The following ZC3H13 variants were observed in gnomAD, a reference collection of about 807,000 sequenced individuals.
ZC3H13 encodes zinc finger CCCH domain-containing protein 13.
ZC3H13 carries 64 observed loss-of-function variants against 204.1 expected under a neutral mutation model. The observed-to-expected ratio is 0.31, with a 90% CI of 0.26 to 0.39. The LOEUF (loss-of-function observed/expected upper bound fraction) is 0.39, where lower values mean the gene tolerates loss of function less well. Ranked by LOEUF, ZC3H13 falls within the 10% of genes least tolerant of loss-of-function variation. The pLI is 1.00. For missense variants in ZC3H13, 1,833 were observed against 2,082.7 expected, an observed-to-expected ratio of 0.88 and a Z score of 2.33; for synonymous variants, 667 against 693.7, an observed-to-expected ratio of 0.96 and a Z score of 0.60.
intron 8 of ZC3H13, among the ~76,000 whole-genome samples, chr13:45,999,226 T>C (rs1356589639): frequency 6.6e-6 from 1 of 151,944 alleles, no homozygotes; most frequent in Non-Finnish European, 1.5e-5. Context: ...GCCTGGGTAA[T>C]AGCGAGACAC....
chr13:45,963,677 A>C (rs925520702), intron 17 of ZC3H13, 165 bp downstream of exon 17: 3 of 1,453,188 alleles, frequency 2.1e-6, no homozygotes, highest in Admixed American at 2.7e-5. Flanking sequence ...ATAAATTTTA[A>C]AGAGAAACTT....
rs1453186257 is a variant in ZC3H13 at position 45,956,702 on chromosome 13, A to T, written c.*425T>A. On this transcript the variant is annotated 3_prime_UTR_variant, in exon 19 of 19. Transcript: ENST00000679008. ...CCCTTTCACGTGGTCTGTACAACAT[A>T]GTACTGCACAATGTGAGCAATTACT... 6.5e-6 allele frequency: 1 copy of T among 152,862 alleles called. No homozygotes were observed. The highest frequency in any genetic ancestry group is 1.5e-5 in the Non-Finnish European group (1 of 68,434). 9.5% of individuals were successfully genotyped at this position (152,862 alleles called of 1,614,324 possible).
At chr13:45,997,622 C>A (rs1010419717) in intron 8 of ZC3H13, among the ~76,000 whole-genome samples, 2 of 152,054 alleles carry the variant, frequency 1.3e-5, no homozygotes, top group Admixed American at 6.5e-5. Context: ...TTAACTGTTA[C>A]AATTTATTTT....
At chr13:45,962,013 A>G (rs182695651) in intron 17 of ZC3H13, among the ~76,000 whole-genome samples, 15 of 152,352 alleles carry the variant, frequency 9.8e-5, no homozygotes, top group African/African-American at 3.4e-4. Context: ...TTATATATGA[A>G]ATATGATTAT....
At chr13:45,970,506 G>A in intron 12 of ZC3H13, 41 bp from the exon 13 acceptor site, 3 of 1,563,316 alleles carry the variant, frequency 1.9e-6, no homozygotes, top group South Asian at 1.2e-5. Context: ...AATTCTAGGG[G>A]GCAAAAAAAG....
rs1287621354 is a variant in ZC3H13, at chr13:46,047,204, T to A, written c.-9-1688A>T. Among the ~76,000 whole-genome samples, 4 of 152,144 alleles carry A rather than the reference T, an allele frequency of 2.6e-5. No homozygotes were observed. In the South Asian group the frequency reaches 8.3e-4, roughly 31 times the overall value. ...TCCAAAGACTAAGAACAACATTTGA[T>A]AAATAAAAGATGGTGCATCAAGGAA... On this transcript the variant is annotated intron_variant, in intron 1 of 18. Transcript: ENST00000679008.
chr13:46,009,319 T>C (rs140340606), intron 7 of ZC3H13, among the ~76,000 whole-genome samples: 266 of 152,302 alleles, frequency 1.7e-3, no homozygotes, highest in African/African-American at 5.9e-3. Flanking sequence ...TTCAATGGTA[T>C]AATAAATTAA....
chr13:46,020,812 A>G (rs958281754), intron 4 of ZC3H13, among the ~76,000 whole-genome samples: 2 of 152,108 alleles, frequency 1.3e-5, no homozygotes, highest in African/African-American at 4.8e-5. Flanking sequence ...AGACTATACT[A>G]CATCTATTTT....
chr13:46,032,157 G>A (rs1209392993), intron 4 of ZC3H13, among the ~76,000 whole-genome samples: 1 of 152,130 alleles, frequency 6.6e-6, no homozygotes, highest in East Asian at 1.9e-4. Flanking sequence ...ACTGATAGTG[G>A]TGCAAGTCCT....
rs71184435 is a variant in ZC3H13 at position 46,006,713 on chromosome 13, C to CAT, written c.747-3379_747-3378dup. 4.9e-3 allele frequency among the ~76,000 whole-genome samples: 311 copies of CAT among 63,810 alleles called. 78 individuals carry two copies. The highest frequency in any genetic ancestry group is 0.022 in the African/African-American group (291 of 13,198). 41.9% of individuals were successfully genotyped at this position (63,810 alleles called of 152,430 possible). A position where few individuals can be genotyped will look rare whatever the true frequency, so the allele number is the denominator to read the frequency against. On this transcript the variant is annotated intron_variant, in intron 7 of 18. Coordinates refer to ENST00000679008, the MANE Select transcript of ZC3H13 (RefSeq NM_001330564.2). ...TTCTCAAGTCCCAAGAGTTCTTAGC[C>CAT]ATATATATATATGAGATAGTATCTA...
chr13:46,041,459 G>A (rs958764072), intron 4 of ZC3H13, among the ~76,000 whole-genome samples: 2 of 152,034 alleles, frequency 1.3e-5, no homozygotes, highest in South Asian at 2.1e-4. Context: ...GTTTCTTTAC[G>A]TAGCAATGAA....
intron 1 of ZC3H13, among the ~76,000 whole-genome samples, chr13:46,050,299 G>A (rs1422585037): frequency 2.0e-5 from 3 of 151,868 alleles, no homozygotes; most frequent in Admixed American, 2.0e-4. Context: ...GCATACAAAA[G>A]GGTCTCTTTT....
At position 45,989,107 on chromosome 13, in the gene ZC3H13, A is replaced by G. The variant is rs1163145840; in HGVS notation, c.945-10T>C. On this transcript the variant is annotated splice_polypyrimidine_tract_variant and intron_variant, in intron 8 of 18. Coordinates refer to ENST00000679008, the MANE Select transcript of ZC3H13 (RefSeq NM_001330564.2). ...TGCTGGGGAAGTAGACCTACAAGGG[A>G]AAACAATAACAATAAAACATGTATT... 1 of 1,609,580 alleles carries G rather than the reference A, an allele frequency of 6.2e-7. No individual in the cohort carries two copies. The highest frequency in any genetic ancestry group is 1.3e-5 in the African/African-American group (1 of 74,910).
Position 45,969,070 on chromosome 13 carries a change from T to A in ZC3H13, c.3474A>T (p.Arg1158Ser). 2 of 1,614,200 alleles carry A rather than the reference T, an allele frequency of 1.2e-6. No homozygotes were observed. The highest frequency in any genetic ancestry group is 1.7e-6 in the Non-Finnish European group (2 of 1,180,020). The change falls in exon 14 of 19, where the codon AGA (arginine) becomes AGT (serine). Residue 1158 changes from arginine to serine, a missense_variant. Physicochemically the swap from Arg to Ser is moderately radical, Grantham distance 110. Coordinates refer to ENST00000679008, the MANE Select transcript of ZC3H13 (RefSeq NM_001330564.2). ...TTTCTACTCGTGTTCTGTGGCATTT[T>A]CTGTGTGAGTCTTCATTGGCAAAAG... ...NNTFANEDSH[R>S]KCHRTRVEKV...
chr13:45,957,764 TTC>T (rs1951368985), intron 18 of ZC3H13, among the ~76,000 whole-genome samples: 1 of 152,194 alleles, frequency 6.6e-6, no homozygotes, highest in Non-Finnish European at 1.5e-5. Context: ...TAGTTTTTCC[TTC>T]TGTAAGCCAA....
intron 9 of ZC3H13, among the ~76,000 whole-genome samples, chr13:45,987,246 C>CAT (rs2039611143): frequency 6.6e-6 from 1 of 152,160 alleles, no homozygotes; most frequent in African/African-American, 2.4e-5. Flanking sequence ...GAAAGTTAAA[C>CAT]AGACATCTTC....
chr13:46,011,303 T>G (rs1453379067), intron 6 of ZC3H13, 112 bp downstream of exon 6: 1 of 926,928 alleles, frequency 1.1e-6, no homozygotes, highest in Non-Finnish European at 1.5e-6. Context: ...AGTGGGTTGA[T>G]CAATATATCA....
Position 45,975,668 on chromosome 13 carries a change from G to T in ZC3H13, c.2083C>A (p.Arg695Ser). The change falls in exon 12 of 19, where the codon CGT becomes AGT. Residue 695 changes from arginine to serine, a missense_variant. Around this residue, in one of 5 missense-constraint regions of ZC3H13, gnomAD observed 1,574 missense variants for 1,757.2 expected, o/e 0.90. Coordinates refer to ENST00000679008, the MANE Select transcript of ZC3H13 (RefSeq NM_001330564.2). ...RDRERERERE[R>S]ERDREREKER... ...TTTTCTCTTTCCCGATCCCGTTCAC[G>T]TTCCCTCTCTCTCTCCCGCTCCCTG... 3.1e-6 allele frequency: 5 copies of T among 1,608,370 alleles called. No homozygotes were observed. Among genetic ancestry groups the T allele is most frequent in the Non-Finnish European group, 4.2e-6 (5 of 1,177,558 alleles).
At position 45,968,867 on chromosome 13, in the gene ZC3H13, C is replaced by G. The variant is rs969080112; in HGVS notation, c.3677G>C (p.Arg1226Thr). The change falls in exon 14 of 19, where the codon AGA becomes ACA. Residue 1226 changes from arginine (R) to threonine (T), a missense_variant. Physicochemically the swap from Arg to Thr is moderately conservative, Grantham distance 71. Around this residue, in one of 5 missense-constraint regions of ZC3H13, gnomAD observed 1,574 missense variants for 1,757.2 expected, o/e 0.90. Coordinates refer to ENST00000679008, the MANE Select transcript of ZC3H13 (RefSeq NM_001330564.2). ...RSGDDQSGRK[R>T]VLHSGSRDRE... ...ATCTCTTGAGCCACTGTGCAGTACT[C>G]TCTTTCGACCACTTTGGTCATCTCC... The G allele has an allele frequency of 6.2e-7, 1 of 1,614,150 alleles. No homozygotes were observed. The highest frequency in any genetic ancestry group is 8.5e-7 in the Non-Finnish European group (1 of 1,180,024).
Sources: gnomAD v4.1 joint callset for allele counts (sites outside exome capture counted in the v4.1 genomes callset) on GRCh38, gnomAD v4.1.1 for gene constraint, gnomAD v4.1.1 regional missense constraint, MANE v1.5 for transcripts, NCBI Gene and HGNC (gene_info 2026-07-23, HGNC 2026-07-21) for gene names.